The following VWC2 variants were observed in gnomAD, a reference collection of about 807,000 sequenced individuals.
VWC2 encodes brorin.
Under a neutral mutation model 29.8 loss-of-function variants are expected in VWC2, and 14 were observed. That is an observed-to-expected ratio of 0.47 (90% CI 0.31 to 0.74). The LOEUF is 0.74. Ranked by LOEUF, VWC2 falls within the 30% of genes least tolerant of loss-of-function variation. The pLI is 0.05. For synonymous variants in VWC2, 213 were observed against 199.0 expected, an observed-to-expected ratio of 1.07 and a Z score of -0.59; for missense variants, 457 against 459.8, an observed-to-expected ratio of 0.99 and a Z score of 0.05.
intron 2 of VWC2, among the ~76,000 whole-genome samples, chr7:49,781,150 T>G (rs775521856): frequency 1.3e-5 from 2 of 152,226 alleles, no homozygotes; most frequent in African/African-American, 4.8e-5. Context: ...ATGCATGTAC[T>G]GTTGCTGTCT....
rs1488280722 is a variant in VWC2, at chr7:49,775,632, C to A, written c.197C>A (p.Ala66Glu). 11 of 1,528,600 alleles carry A rather than the reference C, an allele frequency of 7.2e-6. No individual in the cohort carries two copies. The highest frequency in any genetic ancestry group is 6.0e-5 in the Admixed American group (3 of 49,826). The allele number at this position is 1,528,600 out of a possible 1,614,324, so 94.7% of individuals were successfully genotyped here. ...CGGGTGAACGAGCTCGGGCGCCCGG[C>A]GAGGGACGAGGGCGGCAGCGGCCGG... ...PGRVNELGRP[A>E]RDEGGSGRDW... The change falls in exon 2 of 4, where the codon GCG becomes GAG. Residue 66 changes from alanine (A) to glutamate (E), a missense_variant. Around this residue, in one of 2 missense-constraint regions of VWC2, gnomAD observed 272 missense variants for 202.7 expected, o/e 1.34. Transcript: ENST00000340652.
chr7:49,904,908 G>A (rs1793003600), intron 3 of VWC2, among the ~76,000 whole-genome samples: 1 of 151,770 alleles, frequency 6.6e-6, no homozygotes, highest in African/African-American at 2.4e-5. Flanking sequence ...GCTAATTTTT[G>A]TATTTTTAGT....
intron 3 of VWC2, among the ~76,000 whole-genome samples, chr7:49,837,911 A>T (rs748105827): frequency 9.9e-5 from 15 of 152,102 alleles, no homozygotes; most frequent in African/African-American, 2.4e-4. Flanking sequence ...ATAATGAAAA[A>T]TTTTTTCAAA....
chr7:49,802,731 T>C lies in VWC2; in HGVS notation c.717T>C (p.Cys239=). 6.2e-7 allele frequency: 1 copy of C among 1,614,172 alleles called. No individual in the cohort carries two copies. Among genetic ancestry groups the C allele is most frequent in the Non-Finnish European group, 8.5e-7 (1 of 1,180,034 alleles). The stretch of plus-strand genomic sequence containing the variant: ...TTCAGGTGTCTCCATGCGAGAGGTG[T>C]CGCTGTGAAGCCAACGGTGAGGTGC... The part of the protein sequence containing the change: ...EEFVVSPCER[C]RCEANGEVLC... Residue 239 remains cysteine, a synonymous_variant, in exon 3 of 4, where the codon TGT becomes TGC. Coordinates refer to ENST00000340652, the MANE Select transcript of VWC2 (RefSeq NM_198570.5).
chr7:49,775,987 G>A lies in VWC2; in HGVS notation c.552G>A (p.Gly184=). The stretch of plus-strand genomic sequence containing the variant: ...GCCCGTGCCTGTGCACCGAGGAGGG[G>A]CCGCTGTGCGCGCAGCCCGAGTGCC... The part of the protein sequence containing the change: ...SACPCLCTEE[G]PLCAQPECPR... Residue 184 remains glycine, a synonymous_variant, in exon 2 of 4, where the codon GGG becomes GGA. Coordinates refer to ENST00000340652, the MANE Select transcript of VWC2 (RefSeq NM_198570.5). The A allele has an allele frequency of 1.3e-6, 2 of 1,545,552 alleles. No individual in the cohort carries two copies. The highest frequency in any genetic ancestry group is 1.7e-6 in the Non-Finnish European group (2 of 1,149,214).
Position 49,795,437 on chromosome 7 carries a change from A to C in VWC2, c.697-7274A>C, listed in dbSNP as rs138207758. 1.1e-4 allele frequency among the ~76,000 whole-genome samples: 17 copies of C among 152,242 alleles called. 1 individual carries two copies. The highest frequency in any genetic ancestry group is 6.8e-3 in the Middle Eastern group (2 of 294). The stretch of plus-strand genomic sequence containing the variant: ...ACCTTGAAGGTCGCTTTCTGATCTC[A>C]GGCTTTGCATTTATTCACTTTCCAC... On this transcript the variant is annotated intron_variant, in intron 2 of 3. Transcript: ENST00000340652.
intron 3 of VWC2, among the ~76,000 whole-genome samples, chr7:49,890,721 A>C (rs1001850984): frequency 2.7e-5 from 2 of 74,938 alleles, no homozygotes; most frequent in Admixed American, 2.2e-4. Context: ...ATTAAAACAC[A>C]AAGCAAAACA....
chr7:49,815,404 A>G (rs972796382), intron 3 of VWC2, among the ~76,000 whole-genome samples: 3 of 152,184 alleles, frequency 2.0e-5, no homozygotes, highest in African/African-American at 7.2e-5. Context: ...AGGATATTTT[A>G]TGACTCTGAT....
chr7:49,895,776 G>C (rs1792359095), intron 3 of VWC2, among the ~76,000 whole-genome samples: 1 of 151,844 alleles, frequency 6.6e-6, no homozygotes. Context: ...AAATTAAGTA[G>C]CATATAAATA....
chr7:49,864,342 TTA>T (rs1444036093), intron 3 of VWC2, among the ~76,000 whole-genome samples: 1 of 152,192 alleles, frequency 6.6e-6, no homozygotes, highest in Non-Finnish European at 1.5e-5. Flanking sequence ...CCTTCACCCC[TTA>T]ACTGGATTTC....
rs1789683980 is a variant in VWC2 at position 49,837,189 on chromosome 7, C to G, written c.826+34349C>G. Among the ~76,000 whole-genome samples the G allele has an allele frequency of 2.0e-5, 3 of 152,214 alleles. No homozygotes were observed. The South Asian group carries it at 6.2e-4, about 32-fold the overall frequency. Reference sequence around the variant, plus strand: ...TGTGCAGACTTTAAATTAAGAATTGCAACTGTGATATTCAATGAGGGAATA... The same window carrying G: ...TGTGCAGACTTTAAATTAAGAATTGGAACTGTGATATTCAATGAGGGAATA... On this transcript the variant is annotated intron_variant, in intron 3 of 3. Coordinates refer to ENST00000340652, the MANE Select transcript of VWC2 (RefSeq NM_198570.5).
chr7:49,775,818 A>G lies in VWC2; in HGVS notation c.383A>G (p.Gln128Arg), dbSNP rs543106702. 3.4e-4 allele frequency: 523 copies of G among 1,542,826 alleles called. 1 individual carries two copies. The highest frequency in any genetic ancestry group is 3.5e-4 in the Non-Finnish European group (401 of 1,144,292). ...GCGGAAGCCCTGGCCGCAGCCGCCC[A>G]GGACGCGATTGGCCCGGAACTCGCG... ...PQAEALAAAA[Q>R]DAIGPELAPT... The change falls in exon 2 of 4, where the codon CAG becomes CGG. Residue 128 changes from glutamine to arginine, a missense_variant. Physicochemically the swap from Gln to Arg is conservative, Grantham distance 43 (BLOSUM62 1). This residue lies in a region of VWC2 where 272 missense variants were observed against 202.7 expected (regional missense o/e 1.34). Coordinates refer to ENST00000340652, the MANE Select transcript of VWC2 (RefSeq NM_198570.5).
At chr7:49,896,369 C>T (rs1023895438) in intron 3 of VWC2, among the ~76,000 whole-genome samples, 1 of 152,068 alleles carries the variant, frequency 6.6e-6, no homozygotes, top group African/African-American at 2.4e-5. Flanking sequence ...CACATCACAA[C>T]TTGTGAGAGA....
chr7:49,775,156 G>T (rs1425336309), intron 1 of VWC2, among the ~76,000 whole-genome samples, 177 bp from the exon 2 acceptor site: 2 of 152,136 alleles, frequency 1.3e-5, no homozygotes, highest in Non-Finnish European at 2.9e-5. Context: ...CCAATGTATC[G>T]CTCCACAGTT....
chr7:49,833,478 C>T (rs1789581970), intron 3 of VWC2, among the ~76,000 whole-genome samples: 1 of 152,140 alleles, frequency 6.6e-6, no homozygotes, highest in Admixed American at 6.5e-5. Flanking sequence ...GGGAGAACAC[C>T]TCTCAAATCC....
chr7:49,900,565 A>T (rs1300137089), intron 3 of VWC2, among the ~76,000 whole-genome samples: 1 of 151,756 alleles, frequency 6.6e-6, no homozygotes, highest in African/African-American at 2.4e-5. Flanking sequence ...AGATGAAATG[A>T]ACCAATTCCT....
intron 2 of VWC2, among the ~76,000 whole-genome samples, chr7:49,800,750 A>G (rs1356195422): frequency 6.6e-6 from 1 of 151,858 alleles, no homozygotes; most frequent in Non-Finnish European, 1.5e-5. Context: ...CCCTTGAGAC[A>G]AAAATGCTAC....
chr7:49,911,073 T>G (rs1304731652), intron 3 of VWC2, among the ~76,000 whole-genome samples: 1 of 152,224 alleles, frequency 6.6e-6, no homozygotes, highest in Non-Finnish European at 1.5e-5. Flanking sequence ...GACTGGTTCT[T>G]TGAAGGTCTT....
intron 3 of VWC2, among the ~76,000 whole-genome samples, chr7:49,836,244 G>T (rs1018541803): frequency 2.6e-5 from 4 of 152,094 alleles, no homozygotes; most frequent in Non-Finnish European, 5.9e-5. Flanking sequence ...CATGAACTAA[G>T]AGATAAATGT....
Sources: gnomAD v4.1 joint callset for allele counts (sites outside exome capture counted in the v4.1 genomes callset) on GRCh38, gnomAD v4.1.1 for gene constraint, gnomAD v4.1.1 regional missense constraint, MANE v1.5 for transcripts, NCBI Gene and HGNC (gene_info 2026-07-23, HGNC 2026-07-21) for gene names.